Variants in RPL3 observed in about 807,000 individuals in gnomAD.
The protein encoded by RPL3 is large ribosomal subunit protein uL3.
RPL3 carries 3 observed loss-of-function variants against 46.0 expected under a neutral mutation model. That is an observed-to-expected ratio of 0.07 (90% CI 0.03 to 0.17). RPL3 has a LOEUF of 0.17. RPL3 is among the 10% of genes least tolerant of loss of function. The pLI is 1.00. For synonymous variants in RPL3, 224 were observed against 190.8 expected (o/e 1.17, Z -1.43); for missense variants, 387 against 532.7 (o/e 0.73, Z 2.69).
At chr22:39,319,337 A>C in intron 1 of RPL3, 1 of 601,132 alleles carries the variant, frequency 1.7e-6, no homozygotes, top group African/African-American at 1.9e-5. Context: ...ATGGCTTTAA[A>C]AACGCCGGGC....
intron 5 of RPL3, 198 bp downstream of exon 5, chr22:39,315,171 G>A: frequency 1.1e-6 from 1 of 870,766 alleles, no homozygotes; most frequent in South Asian, 1.3e-5. Context: ...TTAAGAAGTT[G>A]TCCCCTGGCC....
intron 2 of RPL3, chr22:39,318,187 C>T (rs1922822573): frequency 2.7e-5 from 15 of 555,126 alleles, no homozygotes; most frequent in South Asian, 1.9e-4. Flanking sequence ...ATACCCCACA[C>T]CGCACCTAAA....
In RPL3 at chr22:39,317,539, G is replaced by A; in HGVS notation, c.287C>T (p.Pro96Leu). 4 of 1,613,968 alleles carry A rather than the reference G, an allele frequency of 2.5e-6. No individual in the cohort carries two copies. The highest frequency in any genetic ancestry group is 1.1e-5 in the South Asian group (1 of 91,082). Residue 96 changes from proline (P) to leucine (L), a missense_variant, in exon 3 of 10, where the codon CCT becomes CTT. Pro to Leu is a moderately conservative substitution (Grantham distance 98). This residue lies in a region of RPL3 where 196 missense variants were observed against 217.5 expected (regional missense o/e 0.90). Transcript: ENST00000216146. ...AGTCTTGAAGGTCCGGAGGCCTCGAGGGGTTTCCACGTAGCCCACAATGCC... is the reference window on the plus strand; with the variant it reads ...AGTCTTGAAGGTCCGGAGGCCTCGAAGGGTTTCCACGTAGCCCACAATGCC... ...VVGIVGYVET[P>L]RGLRTFKTVF...
intron 1 of RPL3, 199 bp downstream of exon 1, chr22:39,319,396 G>A (rs1922910160): frequency 1.4e-6 from 1 of 715,636 alleles, no homozygotes; most frequent in Non-Finnish European, 2.3e-6. Flanking sequence ...CGACCTGCAG[G>A]CCCAAAGCCA....
In RPL3 at chr22:39,313,675, A is replaced by G. The variant is rs1311887699; in HGVS notation, c.1006T>C (p.Cys336Arg). ...VTNDFVMLKGCVVGTKKRVLT... is the reference protein window; with the variant it reads ...VTNDFVMLKGRVVGTKKRVLT... ...ACCCGCTTCTTGGTTCCCACCACAC[A>G]GCCTTTCAGCATGACAAAGTCATTG... The change falls in exon 8 of 10, where the codon TGT (cysteine) becomes CGT (arginine). Residue 336 changes from cysteine (C) to arginine (R), a missense_variant. By Grantham distance (180) the Cys-to-Arg change is radical. This residue lies in a region of RPL3 where 131 missense variants were observed against 185.1 expected (regional missense o/e 0.71). Transcript: ENST00000216146. 6 of 1,613,956 alleles carry G rather than the reference A, an allele frequency of 3.7e-6. No homozygotes were observed. Among genetic ancestry groups the G allele is most frequent in the Non-Finnish European group, 5.1e-6 (6 of 1,180,036 alleles).
chr22:39,313,032 G>A (rs1261998695), intron 9 of RPL3, 48 bp from the exon 10 acceptor site: 5 of 1,612,930 alleles, frequency 3.1e-6, no homozygotes, highest in Non-Finnish European at 4.2e-6. Flanking sequence ...ACAGGTGACA[G>A]CAGATGCCCA....
chr22:39,319,266 GT>G, intron 1 of RPL3: 4 of 512,410 alleles, frequency 7.8e-6, no homozygotes, highest in South Asian at 7.4e-5. Context: ...AGACAAGCAG[GT>G]TATGGGCCCT....
At chr22:39,318,745 C>A in intron 1 of RPL3, 153 bp from the exon 2 acceptor site, 3 of 645,866 alleles carry the variant, frequency 4.6e-6, no homozygotes, top group Non-Finnish European at 5.3e-6. Flanking sequence ...CTCTTCCAGG[C>A]TCGCACGTGT....
chr22:39,318,342 T>C, intron 2 of RPL3, 58 bp downstream of exon 2: 1 of 1,575,218 alleles, frequency 6.3e-7, no homozygotes, highest in Non-Finnish European at 8.6e-7. Flanking sequence ...ACTCCATCTC[T>C]ACAATTTCCC....
At chr22:39,313,973 C>T in intron 7 of RPL3, 134 bp downstream of exon 7, 1 of 868,318 alleles carries the variant, frequency 1.2e-6, no homozygotes. Context: ...TGACAACATG[C>T]CACTTACAAG....
chr22:39,315,054 C>G, intron 5 of RPL3: 1 of 724,722 alleles, frequency 1.4e-6, no homozygotes, highest in Non-Finnish European at 2.3e-6. Context: ...CTTTTTAAGG[C>G]ATCCATTAGT....
chr22:39,317,684 T>C (rs1046073014), intron 2 of RPL3, 55 bp from the exon 3 acceptor site: 42 of 1,592,246 alleles, frequency 2.6e-5, no homozygotes, highest in Non-Finnish European at 3.4e-5. Flanking sequence ...AGGGGTGTAA[T>C]GTTTTCTAGG....
chr22:39,313,996 G>C (rs1282654393), intron 7 of RPL3, 111 bp downstream of exon 7: 12 of 916,308 alleles, frequency 1.3e-5, no homozygotes, highest in Non-Finnish European at 2.0e-5. Context: ...ACACAGCTAG[G>C]TGTTGTGTTG....
intron 1 of RPL3, 138 bp downstream of exon 1, chr22:39,319,457 G>T: frequency 8.3e-7 from 1 of 1,207,792 alleles, no homozygotes; most frequent in Non-Finnish European, 1.2e-6. Context: ...AAATAGGCCA[G>T]ACTGAAGTCC....
rs777993944 is a variant in RPL3, at chr22:39,319,612, C to G, written c.-15G>C. ...ACACATACCATCACGCCATCAAATC[C>G]CGCCGGTAGAGGCCGGTCGGCCTTA... On this transcript the variant is annotated 5_prime_UTR_variant, in exon 1 of 10. Coordinates refer to ENST00000216146, the MANE Select transcript of RPL3 (RefSeq NM_000967.4). 1.4e-5 allele frequency: 21 copies of G among 1,554,510 alleles called. No homozygotes were observed. In the Admixed American group the frequency reaches 3.4e-4, roughly 25 times the overall value.
intron 5 of RPL3, 25 bp downstream of exon 5, chr22:39,315,344 C>T: frequency 6.2e-7 from 1 of 1,614,040 alleles, no homozygotes; most frequent in Non-Finnish European, 8.5e-7. Flanking sequence ...GTTTGCACAG[C>T]AACTCAAGCC....
At chr22:39,313,013 T>C (rs754962068) in intron 9 of RPL3, 29 bp from the exon 10 acceptor site, 62 of 1,613,786 alleles carry the variant, frequency 3.8e-5, no homozygotes, top group Non-Finnish European at 5.2e-5. Flanking sequence ...TGGTCAGAGG[T>C]AGAAGATGAC....
intron 1 of RPL3, chr22:39,318,897 C>A: frequency 2.2e-6 from 1 of 463,032 alleles, no homozygotes. Context: ...TAACAGGCAG[C>A]TTTATATGCC....
chr22:39,318,068 A>T (rs932614109), intron 2 of RPL3: 1 of 366,468 alleles, frequency 2.7e-6, no homozygotes, highest in African/African-American at 2.1e-5. Context: ...AGGTGAAAAA[A>T]ACATGAATGA....
Sources: allele counts gnomAD v4.1 joint callset, GRCh38; gene constraint gnomAD v4.1.1; regional missense constraint gnomAD v4.1.1; transcripts MANE v1.5; gene names NCBI Gene and HGNC (gene_info 2026-07-23, HGNC 2026-07-21).